The following ESCO1 variants were observed in gnomAD, a reference collection of about 807,000 sequenced individuals.
ESCO1 encodes N-acetyltransferase ESCO1.
In ESCO1, 33 loss-of-function variants were observed where a neutral mutation model predicts 83.5. The ratio of observed to expected loss-of-function variants is 0.40; its 90% CI spans 0.30 to 0.53. The LOEUF (loss-of-function observed/expected upper bound fraction) is 0.53. Among genes scored for constraint, ESCO1 ranks in the 20% least tolerant of loss-of-function variants. ESCO1 has a pLI of 0.63. For missense variants in ESCO1, 855 were observed against 968.0 expected, an observed-to-expected ratio of 0.88 and a Z score of 1.55; for synonymous variants, 332 against 324.3, an observed-to-expected ratio of 1.02 and a Z score of -0.25.
intron 1 of ESCO1, among the ~76,000 whole-genome samples, chr18:21,594,402 T>A (rs77211890): frequency 0.016 from 2,366 of 152,346 alleles, 35 homozygotes; most frequent in Non-Finnish European, 0.019. Context: ...AGTCTTCTCT[T>A]ATTTCTACAT....
chr18:21,562,050 T>C (rs988934836), intron 7 of ESCO1, among the ~76,000 whole-genome samples: 23 of 151,640 alleles, frequency 1.5e-4, no homozygotes, highest in African/African-American at 5.6e-4. Flanking sequence ...AGCTAATTTT[T>C]ATATCTTTTA....
At chr18:21,589,583 T>A (rs948814162) in intron 1 of ESCO1, among the ~76,000 whole-genome samples, 3 of 152,114 alleles carry the variant, frequency 2.0e-5, no homozygotes, top group African/African-American at 7.2e-5. Flanking sequence ...ACTGAAGGAC[T>A]TTTTCCCCAA....
chr18:21,573,577 A>G lies in ESCO1; in HGVS notation c.1267T>C (p.Ser423Pro). ...PKLGLLRTSF[S>P]PPALEMHHPV... ...TGATGCATTTCTAAAGCTGGTGGTG[A>G]AAAACTGGTTCGTAATAAGCCTAAT... The change falls in exon 4 of 12, where the codon TCA becomes CCA. Residue 423 changes from serine to proline, a missense_variant. This residue lies in a region of ESCO1 where 726 missense variants were observed against 699.5 expected (regional missense o/e 1.04). Coordinates refer to ENST00000269214, the MANE Select transcript of ESCO1 (RefSeq NM_052911.3). 1.2e-6 allele frequency: 2 copies of G among 1,614,162 alleles called. No individual in the cohort carries two copies. Among genetic ancestry groups the G allele is most frequent in the South Asian group, 1.1e-5 (1 of 91,084 alleles).
chr18:21,589,396 G>A (rs940384603), intron 1 of ESCO1, among the ~76,000 whole-genome samples: 1 of 139,826 alleles, frequency 7.2e-6, no homozygotes, highest in Non-Finnish European at 1.6e-5. Flanking sequence ...CATCTTGATG[G>A]TTTTTTTTAC....
In ESCO1 at chr18:21,573,660, T is replaced by C. The variant is rs370237145; in HGVS notation, c.1184A>G (p.Lys395Arg). 3.0e-5 allele frequency: 49 copies of C among 1,614,022 alleles called. No individual in the cohort carries two copies. Among genetic ancestry groups the C allele is most frequent in the Non-Finnish European group, 4.2e-5 (49 of 1,180,030 alleles). The change falls in exon 4 of 12, where the codon AAA (lysine) becomes AGA (arginine). Residue 395 changes from lysine (K) to arginine (R), a missense_variant. Coordinates refer to ENST00000269214, the MANE Select transcript of ESCO1 (RefSeq NM_052911.3). ...AKKNSNWTKI[K>R]LSKFNSVQHN... The stretch of plus-strand genomic sequence containing the variant: ...CTGCACAGAGTTAAATTTTGAGAGT[T>C]TAATTTTAGTCCAGTTGGAGTTCTT...
intron 4 of ESCO1, among the ~76,000 whole-genome samples, chr18:21,571,070 T>C (rs1290728546): frequency 1.3e-5 from 2 of 152,216 alleles, no homozygotes; most frequent in Admixed American, 1.3e-4. Flanking sequence ...AAATGTTAAC[T>C]TTTGTCAAAT....
At chr18:21,563,933 AAG>A (rs2038223601) in intron 7 of ESCO1, among the ~76,000 whole-genome samples, 1 of 150,980 alleles carries the variant, frequency 6.6e-6, no homozygotes, top group African/African-American at 2.4e-5. Flanking sequence ...AAAAAAAAAA[AAG>A]AGTCTGGCTT....
rs1402419981 is a variant in ESCO1, at chr18:21,553,834, A to G, written c.1953+7025T>C. 6.0e-5 allele frequency among the ~76,000 whole-genome samples: 9 copies of G among 150,988 alleles called. No individual in the cohort carries two copies. The East Asian group carries it at 1.4e-3, about 23-fold the overall frequency. ...ATTGTTGCGCCACTCACTGCACTCC[A>G]GCCTGGGCAACAAGAAGGAAACTCT... On this transcript the variant is annotated intron_variant, in intron 8 of 11. Transcript: ENST00000269214.
chr18:21,567,168 TTTTTTGG>T (rs1167521477), intron 5 of ESCO1, among the ~76,000 whole-genome samples: 1 of 151,954 alleles, frequency 6.6e-6, no homozygotes, highest in African/African-American at 2.4e-5. Context: ...TTTCTTTTGG[TTTTTTGG>T]TTTTTGAGAC....
chr18:21,564,213 T>C lies in ESCO1; in HGVS notation c.1811A>G (p.Gln604Arg). The C allele has an allele frequency of 1.3e-6, 2 of 1,595,004 alleles. No homozygotes were observed. Among genetic ancestry groups the C allele is most frequent in the East Asian group, 2.2e-5 (1 of 44,604 alleles). The part of the protein sequence containing the change: ...LKEAEKTDEK[Q>R]LIIDAGQKRF... Reference sequence around the variant, plus strand: ...AAGTTGTGTACTTACTATAATCAACTGTTTTTCATCAGTTTTCTCTGCTTC... The same window carrying C: ...AAGTTGTGTACTTACTATAATCAACCGTTTTTCATCAGTTTTCTCTGCTTC... The change falls in exon 7 of 12, where the codon CAG (glutamine) becomes CGG (arginine). Residue 604 changes from glutamine to arginine, a missense_variant. Transcript: ENST00000269214.
intron 1 of ESCO1, among the ~76,000 whole-genome samples, chr18:21,587,672 C>G (rs2038600855): frequency 6.6e-6 from 1 of 152,016 alleles, no homozygotes; most frequent in Non-Finnish European, 1.5e-5. Flanking sequence ...TGTAGTAGCT[C>G]ATGCCTATTA....
chr18:21,540,113 T>A, intron 8 of ESCO1, 104 bp from the exon 9 acceptor site: 1 of 1,076,218 alleles, frequency 9.3e-7, no homozygotes, highest in Non-Finnish European at 1.3e-6. Flanking sequence ...TCAATTTGTC[T>A]AAAAATTGCA....
chr18:21,582,151 G>C (rs1206020908), intron 2 of ESCO1, among the ~76,000 whole-genome samples: 1 of 151,936 alleles, frequency 6.6e-6, no homozygotes, highest in Non-Finnish European at 1.5e-5. Context: ...ACCTATTCTA[G>C]TTTATGAGTA....
chr18:21,564,944 C>T (rs995178052), intron 6 of ESCO1, among the ~76,000 whole-genome samples: 2 of 151,888 alleles, frequency 1.3e-5, no homozygotes, highest in Non-Finnish European at 2.9e-5. Flanking sequence ...GGTGTGGCAG[C>T]GTGTGCCTGT....
chr18:21,585,123 A>G (rs1048401260), intron 1 of ESCO1, among the ~76,000 whole-genome samples: 9 of 133,250 alleles, frequency 6.8e-5, no homozygotes, highest in Non-Finnish European at 1.3e-4. Context: ...CCTAGGCTAC[A>G]GAGCAGGACT....
At chr18:21,595,677 A>G (rs890503255) in intron 1 of ESCO1, among the ~76,000 whole-genome samples, 1 of 147,072 alleles carries the variant, frequency 6.8e-6, no homozygotes, top group African/African-American at 2.5e-5. Context: ...CCAAAAAAAA[A>G]AATAGGCGGG....
At chr18:21,592,605 G>C (rs1444845819) in intron 1 of ESCO1, among the ~76,000 whole-genome samples, 1 of 142,852 alleles carries the variant, frequency 7.0e-6, no homozygotes. Context: ...GCGGGAGGCT[G>C]ACCCCCCCAC....
intron 2 of ESCO1, among the ~76,000 whole-genome samples, chr18:21,575,981 A>G (rs2038414192): frequency 6.6e-6 from 1 of 152,230 alleles, no homozygotes; most frequent in Admixed American, 6.5e-5. Context: ...ACTAGTAGGC[A>G]TTCATTCATG....
intron 1 of ESCO1, among the ~76,000 whole-genome samples, chr18:21,598,023 A>T (rs549740147): frequency 2.0e-5 from 3 of 152,218 alleles, no homozygotes; most frequent in Non-Finnish European, 4.4e-5. Context: ...GAAAAATATG[A>T]AAGTCAGGGT....
Sources: allele counts gnomAD v4.1 joint callset (sites outside exome capture counted in the v4.1 genomes callset), GRCh38; gene constraint gnomAD v4.1.1; regional missense constraint gnomAD v4.1.1; transcripts MANE v1.5; gene names NCBI Gene and HGNC (gene_info 2026-07-23, HGNC 2026-07-21).